The following SARNP variants were observed in gnomAD, a reference collection of about 807,000 sequenced individuals.
The protein encoded by SARNP is SAP domain containing ribonucleoprotein.
SARNP carries 5 observed loss-of-function variants against 38.1 expected under a neutral mutation model. The observed-to-expected ratio is 0.13, with a 90% CI of 0.07 to 0.28. The LOEUF is 0.28. Ranked by LOEUF, SARNP falls within the 10% of genes least tolerant of loss-of-function variation. SARNP has a pLI of 1.00. For synonymous variants in SARNP, 84 were observed against 80.6 expected, an observed-to-expected ratio of 1.04 and a Z score of -0.23; for missense variants, 180 against 243.9, an observed-to-expected ratio of 0.74 and a Z score of 1.75.
intron 9 of SARNP, among the ~76,000 whole-genome samples, chr12:55,788,158 C>G (rs1879560364): frequency 6.6e-6 from 1 of 152,220 alleles, no homozygotes; most frequent in Non-Finnish European, 1.5e-5. Flanking sequence ...AGACCACCTG[C>G]TCTAGGCAAA....
At chr12:55,779,237 C>T (rs372991311) in intron 9 of SARNP, among the ~76,000 whole-genome samples, 1 of 152,182 alleles carries the variant, frequency 6.6e-6, no homozygotes, top group Non-Finnish European at 1.5e-5. Context: ...TTGGGGAAAA[C>T]TGATAACCTA....
At chr12:55,814,275 C>G (rs1474704717) in intron 1 of SARNP, among the ~76,000 whole-genome samples, 1 of 152,206 alleles carries the variant, frequency 6.6e-6, no homozygotes, top group Non-Finnish European at 1.5e-5. Context: ...TCCAAAGGCT[C>G]CCAGCCCTAC....
At chr12:55,812,210 C>T (rs998020875) in intron 1 of SARNP, among the ~76,000 whole-genome samples, 5 of 152,150 alleles carry the variant, frequency 3.3e-5, no homozygotes, top group South Asian at 4.1e-4. Flanking sequence ...CATTCCTTCA[C>T]GTCCTTCAAC....
chr12:55,807,568 C>T (rs900202173), intron 1 of SARNP, among the ~76,000 whole-genome samples: 3 of 149,792 alleles, frequency 2.0e-5, no homozygotes, highest in African/African-American at 4.9e-5. Context: ...TTTGAGAGGC[C>T]GAGGCAGGCG....
intron 1 of SARNP, among the ~76,000 whole-genome samples, chr12:55,808,464 C>T (rs1288775980): frequency 2.6e-5 from 4 of 152,098 alleles, no homozygotes; most frequent in Non-Finnish European, 4.4e-5. Context: ...TACACACACG[C>T]GCCACCATGC....
rs1338934176 is a variant in SARNP at position 55,767,847 on chromosome 12, A to AG, written c.502-7208dup. 5.6e-5 allele frequency among the ~76,000 whole-genome samples: 6 copies of AG among 106,550 alleles called. No individual in the cohort carries two copies. In the South Asian group the frequency reaches 1.1e-3, roughly 20 times the overall value. 69.9% of individuals were successfully genotyped at this position (106,550 alleles called of 152,430 possible). A position where few individuals can be genotyped will look rare whatever the true frequency, so the allele number is the denominator to read the frequency against. ...AGGCAACAGAGCGAGACTCCCTCTCAGAAAAAAAAAAAAAAAAAAAAAAAG... is the reference window on the plus strand; with the variant it reads ...AGGCAACAGAGCGAGACTCCCTCTCAGGAAAAAAAAAAAAAAAAAAAAAAAG... On this transcript the variant is annotated intron_variant, in intron 9 of 10. Coordinates refer to ENST00000336133, the MANE Select transcript of SARNP (RefSeq NM_033082.4).
In SARNP at chr12:55,798,363, G is replaced by C. The variant is rs117944447; in HGVS notation, c.251+2199C>G. On this transcript the variant is annotated intron_variant, in intron 4 of 10. Coordinates refer to ENST00000336133, the MANE Select transcript of SARNP (RefSeq NM_033082.4). ...AAATACAAAAAAAGAGCTGGGTGTA[G>C]TGGCTCGTGCCTGTAGTTCCAGCTA... Among the ~76,000 whole-genome samples, 238 of 152,254 alleles carry C rather than the reference G, an allele frequency of 1.6e-3. 2 individuals are homozygous for C. In the East Asian group the frequency reaches 0.04, roughly 26 times the overall value.
At chr12:55,754,144 G>A (rs1878428734), downstream of SARNP, 1 of 152,140 alleles carries the variant, frequency 6.6e-6, no homozygotes, top group Non-Finnish European at 1.5e-5. Context: ...TTGAGTAGCA[G>A]AAGTGTTATG....
At chr12:55,760,378 GT>G (rs1458067132) in intron 10 of SARNP, 172 bp downstream of exon 10, 1 of 553,104 alleles carries the variant, frequency 1.8e-6, no homozygotes, top group Admixed American at 3.3e-5. Context: ...GGAAAACAGT[GT>G]TTCTCTACTC....
At chr12:55,783,597 G>A (rs1195894484) in intron 9 of SARNP, among the ~76,000 whole-genome samples, 5 of 152,130 alleles carry the variant, frequency 3.3e-5, no homozygotes, top group African/African-American at 1.2e-4. Context: ...GGAGGTGGGA[G>A]GAGGTGGGAG....
At chr12:55,805,640 A>G (rs1277716798) in intron 1 of SARNP, among the ~76,000 whole-genome samples, 2 of 152,232 alleles carry the variant, frequency 1.3e-5, no homozygotes, top group South Asian at 4.1e-4. Context: ...TGAAGTCAGG[A>G]GTTCAAGACC....
At chr12:55,768,472 T>C (rs1434300091) in intron 9 of SARNP, among the ~76,000 whole-genome samples, 3 of 150,802 alleles carry the variant, frequency 2.0e-5, no homozygotes, top group Admixed American at 6.6e-5. Context: ...TCGCCCAGGC[T>C]AGAGTGTAGT....
chr12:55,774,586 AAAAAAAC>A lies in SARNP; in HGVS notation c.502-13953_502-13947del, dbSNP rs1565673588. ...AAAAAAAAAAAAAACAAACAAAAAA[AAAAAAAC>A]AAAAATTAGCCAGGTGTGGCGGCAT... On this transcript the variant is annotated intron_variant, in intron 9 of 10. Coordinates refer to ENST00000336133, the MANE Select transcript of SARNP (RefSeq NM_033082.4). Among the ~76,000 whole-genome samples, 53 of 149,306 alleles carry A rather than the reference AAAAAAAC, an allele frequency of 3.5e-4. 7 individuals carry two copies. The highest frequency in any genetic ancestry group is 1.2e-3 in the African/African-American group (46 of 39,862).
intron 1 of SARNP, among the ~76,000 whole-genome samples, chr12:55,804,053 GAC>G (rs1335781950): frequency 6.6e-6 from 1 of 152,050 alleles, no homozygotes; most frequent in African/African-American, 2.4e-5. Context: ...TTTTTCTTAA[GAC>G]TACTGTGGCA....
chr12:55,811,712 C>T (rs1352247517), intron 1 of SARNP, among the ~76,000 whole-genome samples: 1 of 152,174 alleles, frequency 6.6e-6, no homozygotes, highest in Non-Finnish European at 1.5e-5. Context: ...ACTCTCTCCT[C>T]CTCAGCCTCC....
intron 9 of SARNP, among the ~76,000 whole-genome samples, chr12:55,766,622 G>GGC (rs1565671233): frequency 7.6e-6 from 1 of 131,784 alleles, no homozygotes; most frequent in Non-Finnish European, 1.6e-5. Context: ...TTGGCGGGGG[G>GGC]GGGGGGGGGG....
chr12:55,769,164 T>G (rs1181229885), intron 9 of SARNP, among the ~76,000 whole-genome samples: 2 of 152,244 alleles, frequency 1.3e-5, no homozygotes, highest in African/African-American at 2.4e-5. Flanking sequence ...CCTCTATCTA[T>G]GTAGATCCAA....
At chr12:55,791,997 C>G (rs141788638) in intron 7 of SARNP, among the ~76,000 whole-genome samples, 42 of 152,120 alleles carry the variant, frequency 2.8e-4, no homozygotes, top group East Asian at 7.7e-4. Flanking sequence ...TTTAGCCTTG[C>G]ACCTGTAGTC....
chr12:55,773,594 T>C (rs189396808), intron 9 of SARNP, among the ~76,000 whole-genome samples: 9 of 152,310 alleles, frequency 5.9e-5, no homozygotes, highest in Admixed American at 5.2e-4. Flanking sequence ...ACTGCAGTTA[T>C]GTGGGGAAAA....
Sources: gnomAD v4.1 joint callset for allele counts (sites outside exome capture counted in the v4.1 genomes callset) on GRCh38, gnomAD v4.1.1 for gene constraint, MANE v1.5 for transcripts, NCBI Gene and HGNC (gene_info 2026-07-23, HGNC 2026-07-21) for gene names.